The following MCM4 variants were observed in gnomAD, a reference collection of about 807,000 sequenced individuals.
The protein encoded by MCM4 is DNA replication licensing factor MCM4.
A neutral mutation model predicts 88.7 loss-of-function variants in MCM4; 60 were observed. That is an observed-to-expected ratio of 0.68 (90% CI 0.55 to 0.84). MCM4 has a LOEUF of 0.84. MCM4 is among the 40% of genes least tolerant of loss of function. The pLI is 0.00. For missense variants in MCM4, 1,149 were observed against 1,105.5 expected (o/e 1.04, Z -0.56); for synonymous variants, 465 against 410.5 (o/e 1.13, Z -1.61).
chr8:47,965,541 T>C (rs1430619906), intron 8 of MCM4, among the ~76,000 whole-genome samples: 1 of 152,124 alleles, frequency 6.6e-6, no homozygotes, highest in East Asian at 1.9e-4. Flanking sequence ...TAGCAGTGGC[T>C]AAATACAGGC....
chr8:47,972,579 CAG>C (rs1376143055), intron 13 of MCM4, among the ~76,000 whole-genome samples: 8 of 152,074 alleles, frequency 5.3e-5, no homozygotes, highest in African/African-American at 1.7e-4. Context: ...TTTTTTGAGA[CAG>C]AGTCTCCCTC....
intron 12 of MCM4, 145 bp downstream of exon 12, chr8:47,971,021 T>A: frequency 2.0e-6 from 2 of 1,013,602 alleles, no homozygotes; most frequent in East Asian, 5.0e-5. Context: ...TTCAGCTAAA[T>A]CTCAACATGT....
At chr8:47,972,579 CA>C (rs1383169688) in intron 13 of MCM4, among the ~76,000 whole-genome samples, 6 of 152,074 alleles carry the variant, frequency 3.9e-5, no homozygotes, top group African/African-American at 1.4e-4. Flanking sequence ...TTTTTTGAGA[CA>C]GAGTCTCCCT....
rs2090825059 is a variant in MCM4, at chr8:47,961,206, C to A, written c.62C>A (p.Ala21Asp). 2 of 1,521,386 alleles carry A rather than the reference C, an allele frequency of 1.3e-6. No individual in the cohort carries two copies. Among genetic ancestry groups the A allele is most frequent in the Non-Finnish European group, 1.7e-6 (2 of 1,142,976 alleles). The allele number at this position is 1,521,386 out of a possible 1,614,324, so 94.2% of individuals were successfully genotyped here. ...AGCCGGCGTGGAAGGGCCACCCCCGCCCAGACGCGTGAGTCCCCCGAGCCG... is the reference window on the plus strand; with the variant it reads ...AGCCGGCGTGGAAGGGCCACCCCCGACCAGACGCGTGAGTCCCCCGAGCCG... ...RGSRRGRATP[A>D]QTPRSEDARS... Residue 21 changes from alanine (A) to aspartate (D), a missense_variant, in exon 2 of 17, where the codon GCC (alanine) becomes GAC (aspartate). By Grantham distance (126) the Ala-to-Asp change is moderately radical. This residue lies in a region of MCM4 where 906 missense variants were observed against 843.0 expected (regional missense o/e 1.07). Coordinates refer to ENST00000649973, the MANE Select transcript of MCM4 (RefSeq NM_182746.3).
At chr8:47,975,509 T>A (rs1349438988) in intron 15 of MCM4, 3 of 375,240 alleles carry the variant, frequency 8.0e-6, no homozygotes, top group Non-Finnish European at 1.4e-5. Flanking sequence ...AGCTGCTTGC[T>A]GCACAGATGT....
rs375756300 is a variant in MCM4 at position 47,962,252 on chromosome 8, G to T, written c.399+36G>T. 1.3e-5 allele frequency: 21 copies of T among 1,613,780 alleles called. No homozygotes were observed. The East Asian group carries it at 4.0e-4, about 31-fold the overall frequency. On this transcript the variant is annotated intron_variant, in intron 4 of 16. Coordinates refer to ENST00000649973, the MANE Select transcript of MCM4 (RefSeq NM_182746.3). ...AGTCTCCTGAAACCATCTTATGGCGGGTATCATGTGGGTAACTCTGTTTTC... is the reference window on the plus strand; with the variant it reads ...AGTCTCCTGAAACCATCTTATGGCGTGTATCATGTGGGTAACTCTGTTTTC...
chr8:47,969,568 C>T (rs1003939094), intron 10 of MCM4: 11 of 554,712 alleles, frequency 2.0e-5, no homozygotes, highest in African/African-American at 3.8e-5. Flanking sequence ...CGAGCTTGTC[C>T]GTTTCCTGCT....
intron 16 of MCM4, 148 bp downstream of exon 16, chr8:47,975,996 A>G (rs2090997673): frequency 1.5e-6 from 1 of 687,614 alleles, no homozygotes; most frequent in South Asian, 4.7e-5. Context: ...ATCAAGAAAT[A>G]ATCACAATTA....
rs1161569286 is a variant in MCM4 at position 47,969,748 on chromosome 8, C to G, written c.1175-50C>G. On this transcript the variant is annotated intron_variant, in intron 10 of 16. Coordinates refer to ENST00000649973, the MANE Select transcript of MCM4 (RefSeq NM_182746.3). Reference sequence around the variant, plus strand: ...TGCCTACGCTGGTTGCTGAGCCACTCGGAGGAAGATATGGGAAGGTAAAAG... The same window carrying G: ...TGCCTACGCTGGTTGCTGAGCCACTGGGAGGAAGATATGGGAAGGTAAAAG... 3 of 1,602,748 alleles carry G rather than the reference C, an allele frequency of 1.9e-6. No homozygotes were observed. The African/African-American group carries it at 4.0e-5, about 21-fold the overall frequency.
At position 47,962,143 on chromosome 8, in the gene MCM4, G is replaced by A. The variant is rs749518983; in HGVS notation, c.326G>A (p.Gly109Asp). Residue 109 changes from glycine (G) to aspartate (D), a missense_variant, in exon 4 of 17, where the codon GGC becomes GAC. Coordinates refer to ENST00000649973, the MANE Select transcript of MCM4 (RefSeq NM_182746.3). Reference protein sequence around the residue: ...VEGTPRSGVRGTPVRQRPDLG... With the variant: ...VEGTPRSGVRDTPVRQRPDLG... ...GGAACCCCAAGAAGTGGTGTTAGGG[G>A]CACACCTGTGAGACAGAGGCCTGAC... 60 of 1,614,082 alleles carry A rather than the reference G, an allele frequency of 3.7e-5. No homozygotes were observed. The highest frequency in any genetic ancestry group is 4.8e-5 in the Non-Finnish European group (57 of 1,180,040).
At chr8:47,964,232 AAAAT>A (rs1446878600) in intron 7 of MCM4, among the ~76,000 whole-genome samples, 3 of 152,230 alleles carry the variant, frequency 2.0e-5, no homozygotes, top group African/African-American at 7.2e-5. Context: ...TCAAAAATTA[AAAAT>A]AAATAAATAA....
rs755435911 is a variant in MCM4 at position 47,961,502 on chromosome 8, TTG to T, written c.71-9_71-8del. The T allele has an allele frequency of 4.3e-6, 7 of 1,613,728 alleles. No homozygotes were observed. In the African/African-American group the frequency reaches 9.3e-5, roughly 21 times the overall value. Reference sequence around the variant, plus strand: ...AAAGTTAATGGCTGTCTTTTCTGTTTTGTGTGACACAAGCTCGGAGTGAGGAT... The same window carrying T: ...AAAGTTAATGGCTGTCTTTTCTGTTTTGTGACACAAGCTCGGAGTGAGGAT... On this transcript the variant is annotated splice_polypyrimidine_tract_variant and intron_variant, in intron 2 of 16. Transcript: ENST00000649973.
In MCM4 at chr8:47,976,868, T is replaced by A; in HGVS notation, c.*90T>A. ...GCATCTCAGTTGGCCGCCATCAGTG[T>A]AAATAGAGCTTAAAGTCATGGTTTG... On this transcript the variant is annotated 3_prime_UTR_variant, in exon 17 of 17. Transcript: ENST00000649973. The A allele has an allele frequency of 5.1e-6, 4 of 790,634 alleles. No homozygotes were observed. The highest frequency in any genetic ancestry group is 1.7e-5 in the African/African-American group (1 of 58,774). The allele number at this position is 790,634 out of a possible 1,614,324, so 49.0% of individuals were successfully genotyped here. A position where few individuals can be genotyped will look rare whatever the true frequency, so the allele number is the denominator to read the frequency against.
chr8:47,973,790 A>G (rs1352685857), intron 14 of MCM4: 1 of 152,326 alleles, frequency 6.6e-6, no homozygotes, highest in Non-Finnish European at 1.5e-5. Context: ...GCCTAGCAAT[A>G]TACTATTTTT....
At position 47,974,825 on chromosome 8, in the gene MCM4, C is replaced by A; in HGVS notation, c.2228C>A (p.Ala743Asp). The A allele has an allele frequency of 6.2e-7, 1 of 1,614,184 alleles. No homozygotes were observed. The highest frequency in any genetic ancestry group is 8.5e-7 in the Non-Finnish European group (1 of 1,180,034). ...GAGTCATTAATCCGCTTAGCAGAAG[C>A]CCATGCTAAAGTAAGATTGTCTAAC... ...QLESLIRLAEAHAKVRLSNKV... is the reference protein window; with the variant it reads ...QLESLIRLAEDHAKVRLSNKV... Residue 743 changes from alanine to aspartate, a missense_variant, in exon 15 of 17, where the codon GCC (alanine) becomes GAC (aspartate). Ala to Asp is a moderately radical substitution (Grantham distance 126). This residue lies in a region of MCM4 where 238 missense variants were observed against 241.6 expected (regional missense o/e 0.99). Coordinates refer to ENST00000649973, the MANE Select transcript of MCM4 (RefSeq NM_182746.3).
chr8:47,964,783 T>G, intron 8 of MCM4, 71 bp downstream of exon 8: 1 of 1,278,530 alleles, frequency 7.8e-7, no homozygotes, highest in Non-Finnish European at 1.1e-6. Flanking sequence ...TTGTTTTCAT[T>G]GAGAAATTAT....
chr8:47,966,088 G>C, intron 8 of MCM4, 99 bp from the exon 9 acceptor site: 1 of 944,648 alleles, frequency 1.1e-6, no homozygotes, highest in South Asian at 1.4e-5. Flanking sequence ...GGTCGCCCTA[G>C]GCAGAGTCTT....
At chr8:47,976,309 A>G (rs558796534) in intron 16 of MCM4, among the ~76,000 whole-genome samples, 24 of 151,022 alleles carry the variant, frequency 1.6e-4, no homozygotes, top group Middle Eastern at 6.9e-3. Context: ...AAAAAAAAAG[A>G]AAAAATTGTT....
At chr8:47,964,115 C>G (rs181225315) in intron 7 of MCM4, among the ~76,000 whole-genome samples, 1 of 152,050 alleles carries the variant, frequency 6.6e-6, no homozygotes, top group African/African-American at 2.4e-5. Context: ...CCCAGCTACT[C>G]GGGAGGCTGA....
Sources: gnomAD v4.1 joint callset for allele counts (sites outside exome capture counted in the v4.1 genomes callset) on GRCh38, gnomAD v4.1.1 for gene constraint, gnomAD v4.1.1 regional missense constraint, MANE v1.5 for transcripts, NCBI Gene and HGNC (gene_info 2026-07-23, HGNC 2026-07-21) for gene names.